Variants in GPHN observed in about 807,000 individuals in gnomAD.
GPHN encodes the protein gephyrin.
GPHN carries 17 observed loss-of-function variants against 95.5 expected under a neutral mutation model. The observed-to-expected ratio is 0.18, with a 90% CI of 0.12 to 0.27. The LOEUF is 0.27. Ranked by LOEUF, GPHN falls within the 10% of genes least tolerant of loss-of-function variation. The probability of loss-of-function intolerance (pLI) is 1.00; values close to 1 mark genes in which losing one functional copy is unlikely to be tolerated. For missense variants in GPHN, 660 were observed against 978.1 expected, an observed-to-expected ratio of 0.67 and a Z score of 4.34; for synonymous variants, 320 against 322.5, an observed-to-expected ratio of 0.99 and a Z score of 0.08.
At chr14:67,515,236 C>T in the GPHN span, 1 of 152,826 alleles carries the variant, frequency 6.5e-6, no homozygotes, top group Non-Finnish European at 1.5e-5. Flanking sequence ...CTGCTCCCCG[C>T]CCCCAAGCCC....
At chr14:66,552,059 T>G (rs751714375) in intron 1 of GPHN, among the ~76,000 whole-genome samples, 2 of 152,236 alleles carry the variant, frequency 1.3e-5, no homozygotes, top group Non-Finnish European at 2.9e-5. Flanking sequence ...CTTCTGATTC[T>G]ATAATCTAAA....
chr14:66,517,646 C>T (rs1415841938), intron 1 of GPHN, among the ~76,000 whole-genome samples: 1 of 152,158 alleles, frequency 6.6e-6, no homozygotes. Context: ...CTCATATCTA[C>T]AGCCAACTGA....
At chr14:67,132,499 G>A (rs779378390) in intron 17 of GPHN, among the ~76,000 whole-genome samples, 5 of 151,918 alleles carry the variant, frequency 3.3e-5, no homozygotes, top group Non-Finnish European at 5.9e-5. Context: ...AGCAAGCTGG[G>A]ATAGATTTAT....
intron 1 of GPHN, among the ~76,000 whole-genome samples, chr14:66,587,991 C>G (rs755155343): frequency 1.3e-5 from 2 of 152,092 alleles, no homozygotes; most frequent in Non-Finnish European, 2.9e-5. Flanking sequence ...AGGAGAGCTC[C>G]GGGTGGCATC....
the GPHN span, among the ~76,000 whole-genome samples, chr14:67,561,711 AT>A: frequency 6.6e-6 from 1 of 151,900 alleles, no homozygotes; most frequent in East Asian, 1.9e-4. Flanking sequence ...CTACAAAAAA[AT>A]AAACGAAATT....
the GPHN span, among the ~76,000 whole-genome samples, chr14:67,209,795 G>T: frequency 7.4e-5 from 11 of 147,844 alleles, no homozygotes; most frequent in South Asian, 8.6e-4. Context: ...TCCAGCCTGG[G>T]TGACAGAGCA....
chr14:66,562,460 T>C (rs1273895403), intron 1 of GPHN, among the ~76,000 whole-genome samples: 1 of 152,146 alleles, frequency 6.6e-6, no homozygotes. Flanking sequence ...TTGTCAATTG[T>C]ACCTTAACAA....
chr14:67,252,192 T>C, the GPHN span, among the ~76,000 whole-genome samples: 1 of 152,204 alleles, frequency 6.6e-6, no homozygotes, highest in African/African-American at 2.4e-5. Flanking sequence ...TATTTATTTA[T>C]TTTTTGTTTT....
the GPHN span, among the ~76,000 whole-genome samples, chr14:67,633,511 G>A: frequency 6.6e-6 from 1 of 152,272 alleles, no homozygotes; most frequent in Non-Finnish European, 1.5e-5. Flanking sequence ...ATCCCAAACT[G>A]ACCTTATCAT....
chr14:66,870,749 A>G (rs1412370695), intron 4 of GPHN, among the ~76,000 whole-genome samples: 1 of 152,204 alleles, frequency 6.6e-6, no homozygotes, highest in Non-Finnish European at 1.5e-5. Context: ...ATTCACAAGC[A>G]TTGTAATTTA....
chr14:67,199,373 G>A, the GPHN span: 30 of 1,614,008 alleles, frequency 1.9e-5, no homozygotes, highest in Non-Finnish European at 2.5e-5. Context: ...CATTTTCAAT[G>A]GGAACCTGGA....
chr14:66,773,995 T>TG (rs1304110072), intron 2 of GPHN, among the ~76,000 whole-genome samples: 5 of 45,890 alleles, frequency 1.1e-4, no homozygotes, highest in Admixed American at 5.0e-4. Context: ...TCTAGAAAGT[T>TG]TTTTTTTTTT....
chr14:67,033,186 C>T (rs1594879908), intron 10 of GPHN, among the ~76,000 whole-genome samples: 1 of 151,950 alleles, frequency 6.6e-6, no homozygotes, highest in Non-Finnish European at 1.5e-5. Context: ...CAGAAGAGAT[C>T]AACAGCAAAA....
chr14:66,981,475 A>T (rs960527727), intron 9 of GPHN, among the ~76,000 whole-genome samples: 1 of 152,210 alleles, frequency 6.6e-6, no homozygotes, highest in Non-Finnish European at 1.5e-5. Flanking sequence ...CTTTAAAAAA[A>T]AAATCTCTTT....
chr14:66,513,638 A>G (rs2058129172), intron 1 of GPHN, among the ~76,000 whole-genome samples: 1 of 151,940 alleles, frequency 6.6e-6, no homozygotes, highest in Non-Finnish European at 1.5e-5. Flanking sequence ...GGCAGAGAAG[A>G]TAAATACCAA....
At chr14:67,160,772 A>C (rs1187443558) in intron 19 of GPHN, among the ~76,000 whole-genome samples, 2 of 152,178 alleles carry the variant, frequency 1.3e-5, no homozygotes, top group East Asian at 3.8e-4. Flanking sequence ...AAATTTCAAA[A>C]GCCTTTAAAG....
chr14:67,685,324 G>A, the GPHN span: 2 of 710,518 alleles, frequency 2.8e-6, no homozygotes, highest in South Asian at 3.9e-5. Context: ...TGCCCATGGT[G>A]ACATCAGAAG....
intron 10 of GPHN, among the ~76,000 whole-genome samples, chr14:67,053,420 G>A (rs2075405654): frequency 6.6e-6 from 1 of 152,114 alleles, no homozygotes; most frequent in African/African-American, 2.4e-5. Context: ...CCAGGAAGAA[G>A]TTGAATCTCT....
At chr14:67,168,667 G>A (rs940262892) in intron 20 of GPHN, among the ~76,000 whole-genome samples, 3 of 152,100 alleles carry the variant, frequency 2.0e-5, no homozygotes, top group Non-Finnish European at 1.5e-5. Context: ...CTTTCAGCTG[G>A]CTCTCAGGAA....
Sources: allele counts gnomAD v4.1 joint callset (sites outside exome capture counted in the v4.1 genomes callset), GRCh38; gene constraint gnomAD v4.1.1; transcripts MANE v1.5; gene names NCBI Gene and HGNC (gene_info 2026-07-23, HGNC 2026-07-21).